Variants in CUL9 observed in about 807,000 individuals in gnomAD.
CUL9 encodes cullin-9.
Under a neutral mutation model 272.6 loss-of-function variants are expected in CUL9, and 79 were observed. The ratio of observed to expected loss-of-function variants is 0.29; its 90% CI spans 0.24 to 0.35. CUL9 has a LOEUF of 0.35. Among genes scored for constraint, CUL9 ranks in the 10% least tolerant of loss-of-function variants. CUL9 has a pLI of 1.00. For missense variants in CUL9, 2,532 were observed against 3,255.6 expected (o/e 0.78, Z 5.41); for synonymous variants, 1,186 against 1,286.5 (o/e 0.92, Z 1.67).
At chr6:43,202,646 G>T in intron 16 of CUL9, 70 bp from the exon 17 acceptor site, 2 of 1,349,812 alleles carry the variant, frequency 1.5e-6, no homozygotes, top group Non-Finnish European at 2.1e-6. Context: ...CTCCCAAAGT[G>T]TTGGGATTAC....
Position 43,215,082 on chromosome 6 carries a change from C to A in CUL9, c.5692C>A (p.Leu1898Met). The A allele has an allele frequency of 6.2e-7, 1 of 1,601,420 alleles. No individual in the cohort carries two copies. Among genetic ancestry groups the A allele is most frequent in the South Asian group, 1.1e-5 (1 of 90,090 alleles). ...LHIDQLVCLV[L>M]EAWQKGPNPP... ...TTGTTTCTTTCCTCCTATCCAGGTGCTGGAGGCCTGGCAGAAGGGTCCAAA... is the reference window on the plus strand; with the variant it reads ...TTGTTTCTTTCCTCCTATCCAGGTGATGGAGGCCTGGCAGAAGGGTCCAAA... The change falls in exon 30 of 41, where the codon CTG becomes ATG. Residue 1898 changes from leucine (L) to methionine (M), a missense_variant. Physicochemically the swap from Leu to Met is conservative, Grantham distance 15. Coordinates refer to ENST00000252050, the MANE Select transcript of CUL9 (RefSeq NM_015089.4).
At chr6:43,188,885 G>C in intron 8 of CUL9, 170 bp downstream of exon 8, 1 of 570,344 alleles carries the variant, frequency 1.8e-6, no homozygotes, top group Non-Finnish European at 3.1e-6. Flanking sequence ...TCGTATTCTT[G>C]GAGCACTTCT....
intron 1 of CUL9, among the ~76,000 whole-genome samples, chr6:43,182,593 G>A (rs1159121616): frequency 6.6e-6 from 1 of 151,304 alleles, no homozygotes; most frequent in African/African-American, 2.4e-5. Flanking sequence ...CCTCCTATCC[G>A]ATTCTTTTAC....
chr6:43,200,204 C>A lies in CUL9; in HGVS notation c.3384+48C>A. On this transcript the variant is annotated intron_variant, in intron 14 of 40. Transcript: ENST00000252050. This position sits in a 1 kb window ranked among gnomAD's most constrained non-coding sequence, Gnocchi z 4.0. ...CAGCTGAGAGAATGCAAGTCAGAAG[C>A]AGGAGAAGGGGATTCACTGTGTTCC... 1 of 1,553,818 alleles carries A rather than the reference C, an allele frequency of 6.4e-7. No individual in the cohort carries two copies. Among genetic ancestry groups the A allele is most frequent in the Non-Finnish European group, 8.8e-7 (1 of 1,132,000 alleles).
chr6:43,188,365 G>A (rs1773114927), intron 7 of CUL9, 158 bp from the exon 8 acceptor site: 1 of 828,560 alleles, frequency 1.2e-6, no homozygotes, highest in South Asian at 1.9e-5. Flanking sequence ...TCCTTTGTTT[G>A]ATCATTAGAT....
chr6:43,200,970 A>T lies in CUL9; in HGVS notation c.3647+136A>T. On this transcript the variant is annotated intron_variant, in intron 16 of 40. Coordinates refer to ENST00000252050, the MANE Select transcript of CUL9 (RefSeq NM_015089.4). The surrounding 1 kb of genome is among the most constrained non-coding windows in gnomAD (Gnocchi z 4.0). ...CCTATTTTGTGCAGTGAACACATAGACACATTGACCTGCCTTTGCTGAGTA... is the reference window on the plus strand; with the variant it reads ...CCTATTTTGTGCAGTGAACACATAGTCACATTGACCTGCCTTTGCTGAGTA... 1 of 1,111,774 alleles carries T rather than the reference A, an allele frequency of 9.0e-7. No homozygotes were observed. Among genetic ancestry groups the T allele is most frequent in the Non-Finnish European group, 1.3e-6 (1 of 765,694 alleles). 68.9% of individuals were successfully genotyped at this position (1,111,774 alleles called of 1,614,324 possible). A position where few individuals can be genotyped will look rare whatever the true frequency, so the allele number is the denominator to read the frequency against.
intron 1 of CUL9, among the ~76,000 whole-genome samples, chr6:43,182,535 A>C: frequency 6.8e-6 from 1 of 146,984 alleles, no homozygotes; most frequent in East Asian, 2.0e-4. Flanking sequence ...TCACCCCCAC[A>C]CCTCAGTTTA....
chr6:43,221,394 C>T lies in CUL9; in HGVS notation c.6752+73C>T, dbSNP rs779417336. On this transcript the variant is annotated intron_variant, in intron 34 of 40. Transcript: ENST00000252050. This position sits in a 1 kb window ranked among gnomAD's most constrained non-coding sequence, Gnocchi z 4.2. ...GAGGCCTGGCAGAAGGAGGGGGGAA[C>T]GGGCTTAGTGTAAAGCTCAGCAAAA... 2.2e-5 allele frequency: 33 copies of T among 1,488,252 alleles called. No individual in the cohort carries two copies. Among genetic ancestry groups the T allele is most frequent in the Non-Finnish European group, 2.6e-5 (29 of 1,110,870 alleles). The allele number at this position is 1,488,252 out of a possible 1,614,324, so 92.2% of individuals were successfully genotyped here.
Position 43,203,216 on chromosome 6 carries a change from G to A in CUL9, c.3849+12G>A. 6.2e-7 allele frequency: 1 copy of A among 1,614,102 alleles called. No individual in the cohort carries two copies. Among genetic ancestry groups the A allele is most frequent in the East Asian group, 2.2e-5 (1 of 44,872 alleles). On this transcript the variant is annotated intron_variant, in intron 18 of 40. Coordinates refer to ENST00000252050, the MANE Select transcript of CUL9 (RefSeq NM_015089.4). This position sits in a 1 kb window ranked among gnomAD's most constrained non-coding sequence, Gnocchi z 5.0. The stretch of plus-strand genomic sequence containing the variant: ...AGCGCTGCCAGCAGGTGGTGTTAGG[G>A]TGTCAGCCAGGGCTGAGGAGGAGGA...
chr6:43,184,227 T>C lies in CUL9; in HGVS notation c.-9-75T>C, dbSNP rs1772711549. 4 of 1,178,104 alleles carry C rather than the reference T, an allele frequency of 3.4e-6. No homozygotes were observed. Among genetic ancestry groups the C allele is most frequent in the Non-Finnish European group, 4.6e-6 (4 of 874,020 alleles). The allele number at this position is 1,178,104 out of a possible 1,614,324, so 73.0% of individuals were successfully genotyped here. A position where few individuals can be genotyped will look rare whatever the true frequency, so the allele number is the denominator to read the frequency against. Reference sequence around the variant, plus strand: ...CCGATCACCACCCACCTTCTCTGTGTCTCAAGATTCCACCCCCTCCATGTA... The same window carrying C: ...CCGATCACCACCCACCTTCTCTGTGCCTCAAGATTCCACCCCCTCCATGTA... On this transcript the variant is annotated intron_variant, in intron 1 of 40. Coordinates refer to ENST00000252050, the MANE Select transcript of CUL9 (RefSeq NM_015089.4). This position sits in a 1 kb window ranked among gnomAD's most constrained non-coding sequence, Gnocchi z 4.8.
chr6:43,203,452 C>T lies in CUL9; in HGVS notation c.3885C>T (p.Val1295=), dbSNP rs1477041543. 6.2e-7 allele frequency: 1 copy of T among 1,614,134 alleles called. No individual in the cohort carries two copies. Among genetic ancestry groups the T allele is most frequent in the Non-Finnish European group, 8.5e-7 (1 of 1,180,026 alleles). Residue 1295 remains valine, a synonymous_variant, in exon 19 of 41, where the codon GTC becomes GTT. Transcript: ENST00000252050. The surrounding 1 kb of genome is among the most constrained non-coding windows in gnomAD (Gnocchi z 5.0). The part of the protein sequence containing the change: ...GIDTRVRGVE[V]LGPKPTFWPL... ...ACACCCGGGTTCGGGGTGTGGAGGT[C>T]CTGGGCCCTAAGCCCACATTCTGGC...
Position 43,221,521 on chromosome 6 carries a change from G to A in CUL9, c.6753-164G>A. ...TCGTAAGTCCACACTGACTGGGGGA[G>A]TTCAAAAGCAGAGGTGCATTCAGCA... On this transcript the variant is annotated intron_variant, in intron 34 of 40. Transcript: ENST00000252050. The surrounding 1 kb of genome is among the most constrained non-coding windows in gnomAD (Gnocchi z 4.2). The A allele has an allele frequency of 1.1e-6, 1 of 872,758 alleles. No individual in the cohort carries two copies. The highest frequency in any genetic ancestry group is 1.7e-6 in the Non-Finnish European group (1 of 575,640). 54.1% of individuals were successfully genotyped at this position (872,758 alleles called of 1,614,324 possible). A position where few individuals can be genotyped will look rare whatever the true frequency, so the allele number is the denominator to read the frequency against.
At chr6:43,197,454 G>A (rs938990725) in intron 11 of CUL9, among the ~76,000 whole-genome samples, 1 of 151,940 alleles carries the variant, frequency 6.6e-6, no homozygotes, top group Non-Finnish European at 1.5e-5. Flanking sequence ...ATGACATCTA[G>A]GGAAGCCTTT....
rs954175291 is a variant in CUL9 at position 43,218,533 on chromosome 6, T to C, written c.6283-1926T>C. ...GCCCGGCCCTACATTTTTTAAAAGA[T>C]CGCTTCTGCCGTTGTGTGGAGAAAA... is the stretch of plus-strand genomic sequence containing the variant. On this transcript the variant is annotated intron_variant, in intron 31 of 40. Transcript: ENST00000252050. This position sits in a 1 kb window ranked among gnomAD's most constrained non-coding sequence, Gnocchi z 4.4. Among the ~76,000 whole-genome samples, 2 of 152,154 alleles carry C rather than the reference T, an allele frequency of 1.3e-5. No homozygotes were observed. Among genetic ancestry groups the C allele is most frequent in the Admixed American group, 1.3e-4 (2 of 15,266 alleles).
At position 43,221,152 on chromosome 6, in the gene CUL9, C is replaced by T; in HGVS notation, c.6589-6C>T. The T allele has an allele frequency of 6.2e-7, 1 of 1,610,034 alleles. No homozygotes were observed. ...GCTGTGTCCCCACCATGCCCTCTTG[C>T]CTTAGGCACACTACCCTGCTAGCTG... On this transcript the variant is annotated splice_polypyrimidine_tract_variant and splice_region_variant and intron_variant, in intron 33 of 40. Transcript: ENST00000252050. This position sits in a 1 kb window ranked among gnomAD's most constrained non-coding sequence, Gnocchi z 4.2.
intron 20 of CUL9, 53 bp downstream of exon 20, chr6:43,204,040 G>A (rs763347684): frequency 2.0e-5 from 31 of 1,534,888 alleles, no homozygotes; most frequent in Admixed American, 4.1e-5. Flanking sequence ...CTTATTCCCA[G>A]GGATCACCTG....
Position 43,196,277 on chromosome 6 carries a change from A to G in CUL9, c.2585+12A>G, listed in dbSNP as rs2150557722. On this transcript the variant is annotated intron_variant, in intron 10 of 40. Coordinates refer to ENST00000252050, the MANE Select transcript of CUL9 (RefSeq NM_015089.4). ...CTGAATACTGAGGGGTCAGGGCATTACCTTCCCAACTCCAGGCTCCTGCTT... is the reference window on the plus strand; with the variant it reads ...CTGAATACTGAGGGGTCAGGGCATTGCCTTCCCAACTCCAGGCTCCTGCTT... The G allele has an allele frequency of 6.2e-7, 1 of 1,606,882 alleles. No individual in the cohort carries two copies. The highest frequency in any genetic ancestry group is 2.2e-5 in the East Asian group (1 of 44,738).
Position 43,182,224 on chromosome 6 carries a change from G to C in CUL9, c.-35G>C, listed in dbSNP as rs1772441645. ...CGGCGGGACCGGCCGCTGGGTCCCA[G>C]CGAGGGCTGAGCCGGGCGGTGGGAG... On this transcript the variant is annotated 5_prime_UTR_variant, in exon 1 of 41. Coordinates refer to ENST00000252050, the MANE Select transcript of CUL9 (RefSeq NM_015089.4). The C allele has an allele frequency of 6.6e-6, 1 of 152,508 alleles. No homozygotes were observed. The highest frequency in any genetic ancestry group is 1.5e-5 in the Non-Finnish European group (1 of 68,248). 9.4% of individuals were successfully genotyped at this position (152,508 alleles called of 1,614,324 possible).
intron 17 of CUL9, 101 bp downstream of exon 17, chr6:43,202,922 C>A: frequency 7.7e-7 from 1 of 1,295,814 alleles, no homozygotes; most frequent in Non-Finnish European, 1.1e-6. Context: ...GACATCCCTT[C>A]CCCTTGGGAA....
Sources: allele counts gnomAD v4.1 joint callset (sites outside exome capture counted in the v4.1 genomes callset), GRCh38; gene constraint gnomAD v4.1.1; non-coding constraint Gnocchi (gnomAD v3.1); transcripts MANE v1.5; gene names NCBI Gene and HGNC (gene_info 2026-07-23, HGNC 2026-07-21).